The following ERBB4 variants were observed in gnomAD, a reference collection of about 807,000 sequenced individuals.
ERBB4 encodes receptor tyrosine-protein kinase erbB-4.
In ERBB4, 42 loss-of-function variants were observed where a neutral mutation model predicts 158.0. The ratio of observed to expected loss-of-function variants is 0.27; its 90% CI spans 0.21 to 0.34. ERBB4 has a LOEUF of 0.34. ERBB4 is among the 10% of genes least tolerant of loss of function. ERBB4 has a pLI of 1.00. For missense variants in ERBB4, 1,333 were observed against 1,624.1 expected (o/e 0.82, Z 3.08); for synonymous variants, 583 against 558.7 (o/e 1.04, Z -0.61).
chr2:212,438,929 T>C (rs1032857914), intron 1 of ERBB4, among the ~76,000 whole-genome samples: 1 of 152,136 alleles, frequency 6.6e-6, no homozygotes, highest in African/African-American at 2.4e-5. Context: ...GATTTATGTA[T>C]TTATGTGAAT....
chr2:212,167,415 CAATT>C (rs1418064891), intron 1 of ERBB4, among the ~76,000 whole-genome samples: 7 of 151,976 alleles, frequency 4.6e-5, no homozygotes, highest in Non-Finnish European at 8.8e-5. Flanking sequence ...CTCAGAATGC[CAATT>C]ATTAAAAAGT....
At chr2:211,998,578 G>A (rs933445508) in intron 2 of ERBB4, among the ~76,000 whole-genome samples, 12 of 149,330 alleles carry the variant, frequency 8.0e-5, no homozygotes, top group Non-Finnish European at 1.3e-4. Flanking sequence ...TGAAATCAGC[G>A]TATACTTTGT....
intron 1 of ERBB4, among the ~76,000 whole-genome samples, chr2:212,148,832 G>A (rs1289878787): frequency 7.8e-6 from 1 of 128,326 alleles, no homozygotes; most frequent in African/African-American, 3.0e-5. Flanking sequence ...ATACTATGCA[G>A]CCATAAAAAA....
chr2:211,907,557 C>T (rs192081970), intron 3 of ERBB4, among the ~76,000 whole-genome samples: 3 of 151,598 alleles, frequency 2.0e-5, no homozygotes, highest in African/African-American at 7.2e-5. Context: ...TTTACCATTC[C>T]TTATCTTACT....
At chr2:211,538,705 T>C (rs1000187883) in intron 20 of ERBB4, among the ~76,000 whole-genome samples, 2 of 151,820 alleles carry the variant, frequency 1.3e-5, no homozygotes, top group African/African-American at 4.8e-5. Flanking sequence ...ATTTGTATTT[T>C]AGAACACCAC....
At chr2:212,338,473 G>T (rs964462010) in intron 1 of ERBB4, among the ~76,000 whole-genome samples, 2 of 152,004 alleles carry the variant, frequency 1.3e-5, no homozygotes, top group African/African-American at 4.8e-5. Context: ...GTCTCATTGT[G>T]ATGAAAAATA....
rs71422778 is a variant in ERBB4, at chr2:212,407,646, T to C, written c.82+130803A>G. 5.1e-3 allele frequency among the ~76,000 whole-genome samples: 772 copies of C among 152,246 alleles called. 5 individuals carry two copies. Among genetic ancestry groups the C allele is most frequent in the East Asian group, 0.029 (150 of 5,184 alleles). On this transcript the variant is annotated intron_variant, in intron 1 of 27. Coordinates refer to ENST00000342788, the MANE Select transcript of ERBB4 (RefSeq NM_005235.3). ...TATGTGTAATATATATATGTATATA[T>C]GCATTTACTTGGGTATATACATGAA...
At chr2:212,328,013 T>A (rs2087941154) in intron 1 of ERBB4, among the ~76,000 whole-genome samples, 1 of 121,414 alleles carries the variant, frequency 8.2e-6, no homozygotes, top group Non-Finnish European at 1.7e-5. Context: ...TAAAATCTAG[T>A]GTCTTAAAAC....
At chr2:212,283,583 TAA>T (rs562647131) in intron 1 of ERBB4, among the ~76,000 whole-genome samples, 16 of 152,096 alleles carry the variant, frequency 1.1e-4, no homozygotes, top group South Asian at 8.3e-4. Flanking sequence ...AAATATTCAT[TAA>T]GTTTTTTTAA....
intron 1 of ERBB4, among the ~76,000 whole-genome samples, chr2:212,180,825 T>G (rs1324241085): frequency 6.6e-6 from 1 of 151,658 alleles, no homozygotes; most frequent in African/African-American, 2.4e-5. Context: ...ATTACACTCT[T>G]GGGGACATTT....
At chr2:211,490,515 A>G (rs2065312972) in intron 20 of ERBB4, among the ~76,000 whole-genome samples, 1 of 152,008 alleles carries the variant, frequency 6.6e-6, no homozygotes, top group Non-Finnish European at 1.5e-5. Context: ...GGATGACTTA[A>G]TTAAAAGTAG....
intron 19 of ERBB4, among the ~76,000 whole-genome samples, chr2:211,607,820 G>A (rs2069041085): frequency 6.7e-6 from 1 of 148,990 alleles, no homozygotes; most frequent in Non-Finnish European, 1.5e-5. Flanking sequence ...AAGCGTTAAT[G>A]ATTAAAACAT....
intron 3 of ERBB4, among the ~76,000 whole-genome samples, chr2:211,826,163 T>C (rs2077095362): frequency 6.6e-6 from 1 of 151,558 alleles, no homozygotes. Flanking sequence ...TTCAAAAACA[T>C]TTTGAAATGA....
chr2:211,689,128 T>C (rs569054183), intron 12 of ERBB4, among the ~76,000 whole-genome samples: 1 of 152,368 alleles, frequency 6.6e-6, no homozygotes, highest in East Asian at 1.9e-4. Context: ...AGTGCTTATT[T>C]CTTTCTGATT....
intron 3 of ERBB4, among the ~76,000 whole-genome samples, chr2:211,818,314 T>C (rs986044989): frequency 2.0e-5 from 3 of 152,140 alleles, no homozygotes; most frequent in African/African-American, 7.2e-5. Flanking sequence ...GGTGCATTGC[T>C]GATATAACAA....
At chr2:212,471,364 T>C (rs1689109323) in intron 1 of ERBB4, among the ~76,000 whole-genome samples, 1 of 151,992 alleles carries the variant, frequency 6.6e-6, no homozygotes, top group Admixed American at 6.6e-5. Context: ...AAAATATCCC[T>C]GCCAACTAGA....
chr2:212,408,633 G>A (rs773344151), intron 1 of ERBB4, among the ~76,000 whole-genome samples: 6 of 152,004 alleles, frequency 3.9e-5, no homozygotes, highest in Non-Finnish European at 7.4e-5. Flanking sequence ...TAGCCTGGAC[G>A]ATACAGTGAG....
intron 1 of ERBB4, among the ~76,000 whole-genome samples, chr2:212,484,889 T>C (rs1221916458): frequency 6.6e-6 from 1 of 152,168 alleles, no homozygotes; most frequent in Non-Finnish European, 1.5e-5. Context: ...CCCCTGCCTT[T>C]TCCCAGGGCT....
rs138976050 is a variant in ERBB4 at position 212,510,253 on chromosome 2, T to C, written c.82+28196A>G. ...TATATAACTACTCCCATCCAATGTA[T>C]TCATACAACAACTTGAGTGATTTCC... On this transcript the variant is annotated intron_variant, in intron 1 of 27. Transcript: ENST00000342788. Among the ~76,000 whole-genome samples the C allele has an allele frequency of 2.7e-3, 393 of 144,536 alleles. 1 individual carries two copies. The highest frequency in any genetic ancestry group is 3.8e-3 in the Non-Finnish European group (257 of 67,046). 94.8% of individuals were successfully genotyped at this position (144,536 alleles called of 152,430 possible).
Sources: gnomAD v4.1 joint callset for allele counts (sites outside exome capture counted in the v4.1 genomes callset) on GRCh38, gnomAD v4.1.1 for gene constraint, MANE v1.5 for transcripts, NCBI Gene and HGNC (gene_info 2026-07-23, HGNC 2026-07-21) for gene names.